Variants in CBR4 observed in about 807,000 individuals in gnomAD.
CBR4 encodes 3-oxoacyl-[acyl-carrier-protein] reductase.
In CBR4, 22 loss-of-function variants were observed where a neutral mutation model predicts 21.0. That is an observed-to-expected ratio of 1.05 (90% confidence interval 0.75 to 1.50). The LOEUF (loss-of-function observed/expected upper bound fraction) is 1.50, where lower values mean the gene tolerates loss of function less well. CBR4 is among the 40% of genes most tolerant of loss of function. The pLI is 0.00. For synonymous variants in CBR4, 100 were observed against 104.4 expected, an observed-to-expected ratio of 0.96 and a Z score of 0.26; for missense variants, 302 against 286.3, an observed-to-expected ratio of 1.05 and a Z score of -0.40.
chr4:168,978,927 T>G lies in CBR4; in HGVS notation n.169+23144A>C, dbSNP rs565384515. 7.9e-5 allele frequency among the ~76,000 whole-genome samples: 12 copies of G among 152,114 alleles called. 1 individual carries two copies. In the South Asian group the frequency reaches 2.5e-3, roughly 32 times the overall value. ...GGCTGGTAGCAGCTCTGCAATTCCCTGGAACAGAGCTCCCAGGAGTAAAAG... is the reference window on the plus strand; with the variant it reads ...GGCTGGTAGCAGCTCTGCAATTCCCGGGAACAGAGCTCCCAGGAGTAAAAG... On this transcript the variant is annotated intron_variant and non_coding_transcript_variant, in intron 2 of 3. Transcript: ENST00000509108.
chr4:168,955,864 C>T (rs1312143128), intron 2 of CBR4, among the ~76,000 whole-genome samples: 1 of 152,112 alleles, frequency 6.6e-6, no homozygotes, highest in Non-Finnish European at 1.5e-5. Flanking sequence ...TACAACTTGA[C>T]CACAGAGAAA....
rs201965998 is a variant in CBR4, at chr4:169,010,056, G to T, written c.34C>A (p.Arg12=). 6.2e-7 allele frequency: 1 copy of T among 1,613,626 alleles called. No homozygotes were observed. Among genetic ancestry groups the T allele is most frequent in the Non-Finnish European group, 8.5e-7 (1 of 1,179,870 alleles). The change falls in exon 1 of 5, where the codon CGA becomes AGA. Residue 12 remains arginine, a synonymous_variant. Coordinates refer to ENST00000306193, the MANE Select transcript of CBR4 (RefSeq NM_032783.5). The stretch of plus-strand genomic sequence containing the variant: ...TGGGCCACAGCTCTGCCAATGCCTC[G>T]GGAGCCTCCAAAAACAGCACACACT... ...DKVCAVFGGS[R]GIGRAVAQLM...
chr4:168,959,689 C>G (rs1373357097), intron 2 of CBR4, among the ~76,000 whole-genome samples: 1 of 151,204 alleles, frequency 6.6e-6, no homozygotes, highest in African/African-American at 2.4e-5. Context: ...CCTCAGCCTC[C>G]TGAGTAGCTG....
chr4:168,991,187 C>T (rs1466026005), intron 4 of CBR4, among the ~76,000 whole-genome samples: 2 of 152,132 alleles, frequency 1.3e-5, no homozygotes, highest in African/African-American at 2.4e-5. Context: ...GCCCACCTAG[C>T]AAAATATAAG....
At chr4:168,912,473 A>G (rs1759178321) in intron 2 of CBR4, among the ~76,000 whole-genome samples, 1 of 152,238 alleles carries the variant, frequency 6.6e-6, no homozygotes, top group Admixed American at 6.5e-5. Context: ...ACAAATTAAG[A>G]GAAAGGGCTG....
At chr4:168,925,179 G>T in intron 2 of CBR4, 1 of 1,580,308 alleles carries the variant, frequency 6.3e-7, no homozygotes, top group Admixed American at 1.7e-5. Context: ...AACAACTATT[G>T]TGTTTTATTT....
At chr4:168,960,927 A>C (rs1361814384) in intron 2 of CBR4, among the ~76,000 whole-genome samples, 1 of 152,324 alleles carries the variant, frequency 6.6e-6, no homozygotes, top group East Asian at 1.9e-4. Context: ...TCCGGTCGAA[A>C]TTATTAGTCA....
In CBR4 at chr4:168,988,199, G is replaced by C; in HGVS notation, c.*1951C>G. ...CAGTGGGAGTGGGCGGATTCACCTG[G>C]AGTGGAGCAGTGAAGGTTTATTTTA... On this transcript the variant is annotated 3_prime_UTR_variant, in exon 5 of 5. Transcript: ENST00000306193. 1.0e-6 allele frequency: 1 copy of C among 985,430 alleles called. No homozygotes were observed. 61.0% of individuals were successfully genotyped at this position (985,430 alleles called of 1,614,324 possible). A position where few individuals can be genotyped will look rare whatever the true frequency, so the allele number is the denominator to read the frequency against.
intron 2 of CBR4, among the ~76,000 whole-genome samples, chr4:168,974,540 C>T (rs1764311426): frequency 1.3e-5 from 2 of 152,114 alleles, no homozygotes; most frequent in Admixed American, 1.3e-4. Flanking sequence ...CTCAGGAACA[C>T]CAATTATTCT....
Position 168,934,273 on chromosome 4 carries a change from C to CAAAAAAAAAAAAA in CBR4, n.170-39509_170-39508insTTTTTTTTTTTTT, listed in dbSNP as rs1206272373. Reference sequence around the variant, plus strand: ...CAAGTTTTAAAAGAAACTAGAAAAGCAAAAAAAACAAAAAAAAAAAAAAAA... The same window carrying CAAAAAAAAAAAAA: ...CAAGTTTTAAAAGAAACTAGAAAAGCAAAAAAAAAAAAAAAAAAAAACAAAAAAAAAAAAAAAA... On this transcript the variant is annotated intron_variant and non_coding_transcript_variant, in intron 2 of 3. Transcript: ENST00000509108. Among the ~76,000 whole-genome samples the CAAAAAAAAAAAAA allele has an allele frequency of 2.8e-4, 3 of 10,670 alleles. 1 individual carries two copies. Among genetic ancestry groups the CAAAAAAAAAAAAA allele is most frequent in the Admixed American group, 1.3e-3 (1 of 774 alleles). 7.0% of individuals were successfully genotyped at this position (10,670 alleles called of 152,430 possible).
intron 2 of CBR4, among the ~76,000 whole-genome samples, chr4:168,934,787 T>G (rs1763063223): frequency 6.6e-6 from 1 of 152,182 alleles, no homozygotes; most frequent in South Asian, 2.1e-4. Flanking sequence ...CTTCTCAAAC[T>G]ATTCCAAAAA....
In CBR4 at chr4:169,010,252, T is replaced by G. The variant is rs1190855367; in HGVS notation, c.-163A>C. On this transcript the variant is annotated 5_prime_UTR_variant, in exon 1 of 5. Transcript: ENST00000306193. ...CTCGACACCTCCTGCAGCCGCACAA[T>G]AGTAATGCAAGACGCCGTGAAAAGG... 4 of 613,084 alleles carry G rather than the reference T, an allele frequency of 6.5e-6. No individual in the cohort carries two copies. Among genetic ancestry groups the G allele is most frequent in the Middle Eastern group, 9.3e-4 (2 of 2,160 alleles). 38.0% of individuals were successfully genotyped at this position (613,084 alleles called of 1,614,324 possible).
chr4:168,990,445 A>ATTT, intron 4 of CBR4, 117 bp from the exon 5 acceptor site: 125 of 848,680 alleles, frequency 1.5e-4, no homozygotes, highest in Non-Finnish European at 1.8e-4. Flanking sequence ...TTAAAAAAAA[A>ATTT]TTTTTTTTTG....
chr4:168,927,360 A>G (rs191753562), intron 2 of CBR4: 18 of 232,746 alleles, frequency 7.7e-5, no homozygotes, highest in Non-Finnish European at 1.3e-4. Context: ...TCACAAGTCA[A>G]GGAACCCAGG....
intron 2 of CBR4, among the ~76,000 whole-genome samples, chr4:168,911,639 AGATCTGGAGAACTTG>A (rs1758977626): frequency 6.6e-6 from 1 of 152,352 alleles, no homozygotes; most frequent in African/African-American, 2.4e-5. Context: ...CAGCAAGTAC[AGATCTGGAGAACTTG>A]GATGAAATTA....
chr4:168,954,481 C>T (rs1303783583), intron 2 of CBR4, among the ~76,000 whole-genome samples: 1 of 152,168 alleles, frequency 6.6e-6, no homozygotes, highest in Non-Finnish European at 1.5e-5. Flanking sequence ...GGCAAGCAAA[C>T]TCCACCCTCA....
chr4:168,906,674 G>C (rs554128477), intron 2 of CBR4, among the ~76,000 whole-genome samples: 1 of 152,098 alleles, frequency 6.6e-6, no homozygotes, highest in Non-Finnish European at 1.5e-5. Flanking sequence ...ACCCAGGCTG[G>C]AGTACAGTGG....
At chr4:169,002,758 T>A (rs970840774) in intron 3 of CBR4, among the ~76,000 whole-genome samples, 45 of 139,814 alleles carry the variant, frequency 3.2e-4, no homozygotes, top group South Asian at 6.6e-4. Context: ...TTTTTTTTTT[T>A]AACAAATTGA....
At chr4:168,921,752 CTG>C in intron 2 of CBR4, 1 of 1,597,674 alleles carries the variant, frequency 6.3e-7, no homozygotes, top group East Asian at 2.2e-5. Flanking sequence ...GTAGGCTCAT[CTG>C]TGAATCCTTG....
Sources: allele counts gnomAD v4.1 joint callset (sites outside exome capture counted in the v4.1 genomes callset), GRCh38; gene constraint gnomAD v4.1.1; transcripts MANE v1.5; gene names NCBI Gene and HGNC (gene_info 2026-07-23, HGNC 2026-07-21).